The following CCDC171 variants were observed in gnomAD, a reference collection of about 807,000 sequenced individuals.
The protein encoded by CCDC171 is coiled-coil domain containing 171, also known as coiled-coil domain-containing protein 171.
In CCDC171, 177 loss-of-function variants were observed where a neutral mutation model predicts 168.2. The ratio of observed to expected loss-of-function variants is 1.05; its 90% CI spans 0.93 to 1.19. The LOEUF (loss-of-function observed/expected upper bound fraction) is 1.19. CCDC171 is among the 50% of genes most tolerant of loss of function. CCDC171 has a pLI of 0.00. For missense variants in CCDC171, 1,991 were observed against 1,539.0 expected (o/e 1.29, Z -4.91); for synonymous variants, 687 against 540.8 (o/e 1.27, Z -3.75).
chr9:15,970,824 A>G (rs1172647834), intron 25 of CCDC171, among the ~76,000 whole-genome samples: 2 of 152,204 alleles, frequency 1.3e-5, no homozygotes, highest in Non-Finnish European at 2.9e-5. Context: ...CATGGACATA[A>G]AGATGGAAAC....
At chr9:15,824,669 G>A (rs1404375059) in intron 21 of CCDC171, among the ~76,000 whole-genome samples, 2 of 152,164 alleles carry the variant, frequency 1.3e-5, no homozygotes, top group East Asian at 3.9e-4. Flanking sequence ...ACAGGAAGCT[G>A]GCTAATTTCT....
chr9:15,613,626 G>A (rs570617582), intron 6 of CCDC171, among the ~76,000 whole-genome samples: 30 of 151,246 alleles, frequency 2.0e-4, no homozygotes, highest in African/African-American at 5.3e-4. Flanking sequence ...GGGTTCAAGC[G>A]GTTCTCCTGC....
chr9:15,974,457 A>T (rs781721605), downstream of CCDC171, among the ~76,000 whole-genome samples: 3 of 152,198 alleles, frequency 2.0e-5, no homozygotes, highest in Non-Finnish European at 4.4e-5. Flanking sequence ...AATGACTTCA[A>T]ATATTTTTGT....
chr9:15,962,438 T>C (rs951683810), intron 25 of CCDC171, among the ~76,000 whole-genome samples: 1 of 152,240 alleles, frequency 6.6e-6, no homozygotes, highest in Non-Finnish European at 1.5e-5. Flanking sequence ...GCATTAAGCA[T>C]TTAAGACAGT....
intron 6 of CCDC171, among the ~76,000 whole-genome samples, chr9:16,032,764 T>A (rs879419285): frequency 6.6e-6 from 1 of 152,154 alleles, no homozygotes; most frequent in Non-Finnish European, 1.5e-5. Context: ...ATTTCAGGCA[T>A]AAGCCACCAT....
chr9:15,987,665 T>C, intron 3 of CCDC171, among the ~76,000 whole-genome samples: 1 of 152,194 alleles, frequency 6.6e-6, no homozygotes, highest in South Asian at 2.1e-4. Context: ...GAGTTACATA[T>C]ATTGACATGA....
At chr9:15,956,625 A>G (rs1206583600) in intron 25 of CCDC171, among the ~76,000 whole-genome samples, 1 of 152,188 alleles carries the variant, frequency 6.6e-6, no homozygotes, top group Non-Finnish European at 1.5e-5. Flanking sequence ...TTGGGAGGTG[A>G]GAAAAAATGT....
At chr9:15,903,506 T>C (rs934862989) in intron 24 of CCDC171, among the ~76,000 whole-genome samples, 3 of 151,904 alleles carry the variant, frequency 2.0e-5, no homozygotes, top group East Asian at 1.9e-4. Flanking sequence ...AGAAAGGACA[T>C]CCACACCAAA....
downstream of CCDC171, chr9:15,974,039 A>G (rs1334848746): frequency 6.6e-6 from 1 of 152,158 alleles, no homozygotes; most frequent in African/African-American, 2.4e-5. Flanking sequence ...GTCTCCATAT[A>G]TATGGGTATC....
intron 21 of CCDC171, among the ~76,000 whole-genome samples, chr9:15,788,000 G>C (rs2058056579): frequency 6.6e-6 from 1 of 152,086 alleles, no homozygotes; most frequent in African/African-American, 2.4e-5. Flanking sequence ...TTTGTGTTTA[G>C]GTATAATATC....
chr9:15,680,910 C>A (rs1313401671), intron 10 of CCDC171, among the ~76,000 whole-genome samples: 1 of 152,098 alleles, frequency 6.6e-6, no homozygotes, highest in African/African-American at 2.4e-5. Flanking sequence ...GACATAATCA[C>A]CAATATAGGT....
At chr9:15,807,111 C>T (rs1199251760) in intron 21 of CCDC171, among the ~76,000 whole-genome samples, 1 of 152,180 alleles carries the variant, frequency 6.6e-6, no homozygotes, top group Non-Finnish European at 1.5e-5. Flanking sequence ...TTGTCAGCTC[C>T]TGTATGGTTT....
In CCDC171 at chr9:15,581,989, C is replaced by T. The variant is rs1442457159; in HGVS notation, c.352+2966C>T. 2.6e-5 allele frequency among the ~76,000 whole-genome samples: 4 copies of T among 152,288 alleles called. No individual in the cohort carries two copies. The South Asian group carries it at 8.3e-4, about 32-fold the overall frequency. On this transcript the variant is annotated intron_variant, in intron 4 of 25. Transcript: ENST00000380701. ...CAAAAGAAACTATCATCAGAATGAACAGGGAACCTACAGAATGGGAGAAAA... is the reference window on the plus strand; with the variant it reads ...CAAAAGAAACTATCATCAGAATGAATAGGGAACCTACAGAATGGGAGAAAA...
intron 6 of CCDC171, among the ~76,000 whole-genome samples, chr9:16,030,415 G>T (rs531628147): frequency 1.7e-4 from 26 of 152,224 alleles, no homozygotes; most frequent in African/African-American, 6.3e-4. Context: ...ATAAAAATGT[G>T]TATAGAAATT....
At chr9:15,840,651 A>G (rs542603105) in intron 21 of CCDC171, among the ~76,000 whole-genome samples, 6 of 152,154 alleles carry the variant, frequency 3.9e-5, no homozygotes, top group South Asian at 2.1e-4. Flanking sequence ...CTCAGAAAAC[A>G]TTACTGTCAC....
At chr9:15,734,684 A>G (rs1352307698) in intron 16 of CCDC171, among the ~76,000 whole-genome samples, 2 of 152,298 alleles carry the variant, frequency 1.3e-5, no homozygotes, top group Middle Eastern at 3.4e-3. Context: ...ATTATAATAC[A>G]TATTATAGGA....
intron 6 of CCDC171, among the ~76,000 whole-genome samples, chr9:15,605,387 G>T (rs1051837270): frequency 1.3e-5 from 2 of 151,662 alleles, no homozygotes; most frequent in African/African-American, 4.8e-5. Context: ...TTATAAAAAT[G>T]CCCCTAATTT....
chr9:15,880,305 A>G (rs1818444496), intron 24 of CCDC171, among the ~76,000 whole-genome samples: 1 of 152,184 alleles, frequency 6.6e-6, no homozygotes, highest in Admixed American at 6.6e-5. Flanking sequence ...AGTTTGTGCA[A>G]TTCTCTTTAT....
At chr9:15,574,868 A>G (rs775104051) in intron 3 of CCDC171, among the ~76,000 whole-genome samples, 5 of 152,206 alleles carry the variant, frequency 3.3e-5, no homozygotes, top group Admixed American at 6.5e-5. Flanking sequence ...GTATTCAAAT[A>G]ATAGATTACT....
Sources: allele counts gnomAD v4.1 joint callset (sites outside exome capture counted in the v4.1 genomes callset), GRCh38; gene constraint gnomAD v4.1.1; transcripts MANE v1.5; gene names NCBI Gene and HGNC (gene_info 2026-07-23, HGNC 2026-07-21).